AKR1D1: variants seen among roughly 807,000 people sequenced by gnomAD.
The protein encoded by AKR1D1 is aldo-keto reductase family 1 member D1, also known as delta(4)-3-ketosteroid 5-beta-reductase.
Under a neutral mutation model 42.6 loss-of-function variants are expected in AKR1D1, and 32 were observed. That is an observed-to-expected ratio of 0.75 (90% confidence interval 0.57 to 1.01). The LOEUF (loss-of-function observed/expected upper bound fraction) is 1.01, where lower values mean the gene tolerates loss of function less well. Ranked by LOEUF, AKR1D1 falls within the 50% of genes least tolerant of loss-of-function variation. The pLI, the probability that AKR1D1 is intolerant of heterozygous loss-of-function variation, is 0.00. For missense variants in AKR1D1, 364 were observed against 402.2 expected, an observed-to-expected ratio of 0.91 and a Z score of 0.81; for synonymous variants, 123 against 135.5, an observed-to-expected ratio of 0.91 and a Z score of 0.64.
At chr7:138,079,482 T>G (rs1007705550) in intron 1 of AKR1D1, among the ~76,000 whole-genome samples, 2 of 152,178 alleles carry the variant, frequency 1.3e-5, no homozygotes, top group Non-Finnish European at 2.9e-5. Context: ...GGGACTATTA[T>G]TGAGAATATA....
chr7:138,100,088 C>CAAAAAAA lies in AKR1D1; in HGVS notation c.456+2169_456+2175dup, dbSNP rs59361346. ...TGGGCAATATAGCGAGATTTCATCTCAAAAAAAAAAAAAAAAAAAAAAAAA... is the reference window on the plus strand; with the variant it reads ...TGGGCAATATAGCGAGATTTCATCTCAAAAAAAAAAAAAAAAAAAAAAAAAAAAAAAA... On this transcript the variant is annotated intron_variant, in intron 4 of 8. Coordinates refer to ENST00000242375, the MANE Select transcript of AKR1D1 (RefSeq NM_005989.4). Among the ~76,000 whole-genome samples the CAAAAAAA allele has an allele frequency of 8.3e-4, 36 of 43,564 alleles. 2 individuals carry two copies. Among genetic ancestry groups the CAAAAAAA allele is most frequent in the Non-Finnish European group, 1.1e-3 (28 of 26,506 alleles). 28.6% of individuals were successfully genotyped at this position (43,564 alleles called of 152,430 possible).
At chr7:138,101,275 C>T (rs2117452429) in intron 4 of AKR1D1, among the ~76,000 whole-genome samples, 1 of 149,324 alleles carries the variant, frequency 6.7e-6, no homozygotes, top group East Asian at 2.0e-4. Flanking sequence ...TCTCAGCTCA[C>T]TGCAACCTCC....
chr7:138,106,636 C>T lies in AKR1D1; in HGVS notation c.608C>T (p.Pro203Leu). 1 of 1,614,108 alleles carries T rather than the reference C, an allele frequency of 6.2e-7. No homozygotes were observed. The highest frequency in any genetic ancestry group is 8.5e-7 in the Non-Finnish European group (1 of 1,180,012). The part of the protein sequence containing the change: ...QVECHPYFTQ[P>L]KLLKFCQQHD... Reference sequence around the variant, plus strand: ...GAGTGCCATCCGTATTTCACCCAGCCAAAACTCTTGAAATTTTGCCAACAA... The same window carrying T: ...GAGTGCCATCCGTATTTCACCCAGCTAAAACTCTTGAAATTTTGCCAACAA... Residue 203 changes from proline to leucine, a missense_variant, in exon 6 of 9, where the codon CCA (proline) becomes CTA (leucine). By Grantham distance (98) the Pro-to-Leu change is moderately conservative (BLOSUM62 -3). Transcript: ENST00000242375.
intron 2 of AKR1D1, 82 bp from the exon 3 acceptor site, chr7:138,091,686 A>T: frequency 9.3e-7 from 1 of 1,075,340 alleles, no homozygotes; most frequent in Non-Finnish European, 1.4e-6. Flanking sequence ...AATGTGTACG[A>T]GTGTTTTACA....
chr7:138,077,008 T>C (rs914395516), intron 1 of AKR1D1, among the ~76,000 whole-genome samples: 2 of 152,158 alleles, frequency 1.3e-5, no homozygotes, highest in Non-Finnish European at 2.9e-5. Flanking sequence ...CACTAGGCGA[T>C]AGAAGTGTCA....
intron 4 of AKR1D1, among the ~76,000 whole-genome samples, chr7:138,098,677 T>C (rs1794231252): frequency 6.6e-6 from 1 of 152,172 alleles, no homozygotes; most frequent in Admixed American, 6.5e-5. Flanking sequence ...AGCTGCTGGC[T>C]CTTTTCCCAA....
intron 4 of AKR1D1, among the ~76,000 whole-genome samples, chr7:138,101,174 T>G (rs1244365156): frequency 3.4e-5 from 1 of 29,000 alleles, no homozygotes. Flanking sequence ...CCTCCCTCCC[T>G]CCCTCCCTCC....
intron 1 of AKR1D1, among the ~76,000 whole-genome samples, chr7:138,078,986 C>A (rs1045687541): frequency 6.6e-5 from 10 of 152,074 alleles, no homozygotes; most frequent in Non-Finnish European, 1.3e-4. Flanking sequence ...TTTAAACATT[C>A]CTTTTATTTT....
chr7:138,107,189 C>A, intron 6 of AKR1D1: 1 of 691,276 alleles, frequency 1.4e-6, no homozygotes, highest in Non-Finnish European at 2.7e-6. Context: ...ATATTATTTA[C>A]CCTCTGAAGG....
At chr7:138,097,698 G>A (rs1009864240) in intron 3 of AKR1D1, among the ~76,000 whole-genome samples, 168 bp from the exon 4 acceptor site, 1 of 152,166 alleles carries the variant, frequency 6.6e-6, no homozygotes, top group Admixed American at 6.5e-5. Flanking sequence ...ATGGGCAGGT[G>A]TCTTAATCCA....
intron 1 of AKR1D1, among the ~76,000 whole-genome samples, chr7:138,086,306 C>T (rs1286959642): frequency 6.6e-6 from 1 of 152,182 alleles, no homozygotes; most frequent in Non-Finnish European, 1.5e-5. Flanking sequence ...TCCCACTGTA[C>T]TTTGGTTGTC....
chr7:138,083,884 G>A (rs1803108550), intron 1 of AKR1D1, among the ~76,000 whole-genome samples: 1 of 152,082 alleles, frequency 6.6e-6, no homozygotes, highest in African/African-American at 2.4e-5. Context: ...GTTTTCTGGG[G>A]TACCTGAATT....
At chr7:138,096,614 A>G (rs1782682013) in intron 3 of AKR1D1, among the ~76,000 whole-genome samples, 1 of 152,228 alleles carries the variant, frequency 6.6e-6, no homozygotes, top group African/African-American at 2.4e-5. Context: ...ACCAAAGTCA[A>G]CAAAGACTTT....
chr7:138,115,803 T>C lies in AKR1D1; in HGVS notation c.939-817T>C, dbSNP rs186437038. On this transcript the variant is annotated intron_variant, in intron 8 of 8. Transcript: ENST00000242375. ...AGACATTTTACAGACCATTTCATCA[T>C]TGTTATTTAAGAGCTAAATTCACTG... Among the ~76,000 whole-genome samples, 426 of 152,352 alleles carry C rather than the reference T, an allele frequency of 2.8e-3. 1 individual carries two copies. Among genetic ancestry groups the C allele is most frequent in the African/African-American group, 1.0e-2 (415 of 41,578 alleles).
At chr7:138,113,914 T>A in intron 8 of AKR1D1, 142 bp downstream of exon 8, 1 of 746,564 alleles carries the variant, frequency 1.3e-6, no homozygotes, top group Non-Finnish European at 2.4e-6. Context: ...AATGTTAACA[T>A]GCCTGAGGGA....
intron 1 of AKR1D1, among the ~76,000 whole-genome samples, chr7:138,086,012 C>T (rs764935440): frequency 6.6e-6 from 1 of 151,846 alleles, no homozygotes; most frequent in Non-Finnish European, 1.5e-5. Flanking sequence ...GAGTTTGAGA[C>T]CAGCATGGGC....
intron 4 of AKR1D1, among the ~76,000 whole-genome samples, chr7:138,104,120 A>G (rs552215408): frequency 6.6e-6 from 1 of 152,288 alleles, no homozygotes; most frequent in South Asian, 2.1e-4. Context: ...CCTGGGTGAC[A>G]GAGCAAGATA....
intron 1 of AKR1D1, among the ~76,000 whole-genome samples, chr7:138,080,850 G>A (rs760071550): frequency 2.0e-4 from 30 of 152,066 alleles, no homozygotes; most frequent in Non-Finnish European, 3.7e-4. Context: ...GAACTCCTAG[G>A]CTCAAGCAAT....
chr7:138,095,718 G>A (rs915639818), intron 3 of AKR1D1, among the ~76,000 whole-genome samples: 7 of 152,086 alleles, frequency 4.6e-5, no homozygotes, highest in African/African-American at 1.7e-4. Context: ...TAGAGACAGG[G>A]TTTTGCCATG....
Sources: allele counts gnomAD v4.1 joint callset (sites outside exome capture counted in the v4.1 genomes callset), GRCh38; gene constraint gnomAD v4.1.1; transcripts MANE v1.5; gene names NCBI Gene and HGNC (gene_info 2026-07-23, HGNC 2026-07-21).